Variants in RFC3 observed in about 807,000 individuals in gnomAD.
RFC3 encodes the protein replication factor C subunit 3, also known as A1 38 kDa subunit.
A neutral mutation model predicts 45.1 loss-of-function variants in RFC3; 41 were observed. That is an observed-to-expected ratio of 0.91 (90% CI 0.71 to 1.18). RFC3 has a LOEUF of 1.18. Among genes scored for constraint, RFC3 ranks in the 50% most tolerant of loss-of-function variants. The probability of loss-of-function intolerance (pLI) is 0.00; values close to 1 mark genes in which losing one functional copy is unlikely to be tolerated. For missense variants in RFC3, 423 were observed against 428.1 expected (o/e 0.99, Z 0.10); for synonymous variants, 149 against 144.0 (o/e 1.03, Z -0.25).
At chr13:33,929,420 A>C (rs1236174375) in intron 8 of RFC3, among the ~76,000 whole-genome samples, 1 of 152,160 alleles carries the variant, frequency 6.6e-6, no homozygotes, top group African/African-American at 2.4e-5. Context: ...ATAGAGATTT[A>C]ATTAACACTA....
downstream of RFC3, among the ~76,000 whole-genome samples, chr13:33,968,115 C>A (rs566763224): frequency 3.9e-5 from 6 of 152,272 alleles, no homozygotes; most frequent in South Asian, 2.1e-4. Flanking sequence ...AAAGCCAGCT[C>A]TAGTGCAATA....
rs995548019 is a variant in RFC3 at position 33,836,175 on chromosome 13, C to T, written c.951C>T (p.Tyr317=). The change falls in exon 9 of 9, where the codon TAC becomes TAT. Residue 317 remains tyrosine, a synonymous_variant. Transcript: ENST00000380071. ...LKGEVAQMAA[Y]YEHRLQLGSK... The stretch of plus-strand genomic sequence containing the variant: ...GGGAGGTGGCACAAATGGCAGCTTA[C>T]TATGAGCATCGTCTACAGCTGGGTA... The T allele has an allele frequency of 6.2e-7, 1 of 1,613,422 alleles. No homozygotes were observed. The highest frequency in any genetic ancestry group is 8.5e-7 in the Non-Finnish European group (1 of 1,179,492).
downstream of RFC3, among the ~76,000 whole-genome samples, chr13:33,838,351 T>G (rs1363670137): frequency 1.3e-5 from 2 of 152,084 alleles, no homozygotes; most frequent in African/African-American, 4.8e-5. Context: ...GAGTATTTCT[T>G]ATAGCGTACG....
intron 8 of RFC3, among the ~76,000 whole-genome samples, chr13:33,879,166 C>A (rs374126656): frequency 3.3e-5 from 5 of 151,558 alleles, no homozygotes; most frequent in African/African-American, 1.2e-4. Flanking sequence ...CACATTAAAC[C>A]AAAAAAATGA....
chr13:33,859,503 A>G (rs2137531331), intron 8 of RFC3, among the ~76,000 whole-genome samples: 1 of 152,330 alleles, frequency 6.6e-6, no homozygotes, highest in African/African-American at 2.4e-5. Context: ...TATAAAAGTG[A>G]CTATGTATAG....
At chr13:33,844,426 C>T (rs749009916) in intron 8 of RFC3, among the ~76,000 whole-genome samples, 17 of 151,964 alleles carry the variant, frequency 1.1e-4, no homozygotes, top group Non-Finnish European at 2.4e-4. Context: ...TTTCTACTAC[C>T]GTTTTATCAT....
intron 8 of RFC3, among the ~76,000 whole-genome samples, chr13:33,863,161 C>A (rs2082352108): frequency 6.6e-6 from 1 of 152,176 alleles, no homozygotes; most frequent in Non-Finnish European, 1.5e-5. Context: ...AACTGATAGA[C>A]AGTTTTTCAT....
chr13:33,959,003 G>T (rs2083039782), intron 8 of RFC3, among the ~76,000 whole-genome samples: 1 of 152,106 alleles, frequency 6.6e-6, no homozygotes, highest in Non-Finnish European at 1.5e-5. Flanking sequence ...AAAAAATTCT[G>T]CATTTAAATA....
At chr13:33,936,502 A>G (rs1336325768) in intron 8 of RFC3, among the ~76,000 whole-genome samples, 1 of 152,180 alleles carries the variant, frequency 6.6e-6, no homozygotes, top group Admixed American at 6.5e-5. Flanking sequence ...AGGTGAGGCT[A>G]TTAGGATAGG....
chr13:33,873,577 A>T (rs1308568978), intron 8 of RFC3, among the ~76,000 whole-genome samples: 1 of 152,130 alleles, frequency 6.6e-6, no homozygotes, highest in Non-Finnish European at 1.5e-5. Flanking sequence ...CAGAGAGAGG[A>T]TATGTTTAAC....
intron 8 of RFC3, among the ~76,000 whole-genome samples, chr13:33,868,693 T>G (rs1419723973): frequency 6.6e-6 from 1 of 152,240 alleles, no homozygotes; most frequent in African/African-American, 2.4e-5. Flanking sequence ...CTTGAGTGGC[T>G]TGCTGGAGCC....
chr13:33,948,107 C>A (rs558459414), intron 8 of RFC3, among the ~76,000 whole-genome samples: 1 of 152,220 alleles, frequency 6.6e-6, no homozygotes, highest in Non-Finnish European at 1.5e-5. Context: ...CAGCCCCTTC[C>A]ATCACAGACC....
At chr13:33,971,991 T>A in the RFC3 span, among the ~76,000 whole-genome samples, 2 of 152,114 alleles carry the variant, frequency 1.3e-5, no homozygotes, top group Admixed American at 6.5e-5. Context: ...GGCGTGCACC[T>A]GTAGTCCTAG....
chr13:33,928,839 G>GGC (rs1555242251), intron 8 of RFC3, among the ~76,000 whole-genome samples: 1,859 of 151,628 alleles, frequency 0.012, 27 homozygotes, highest in African/African-American at 0.043. Flanking sequence ...ATGTCTGGGG[G>GGC]GGGAAGTGAA....
chr13:33,861,941 A>G (rs2082343572), intron 8 of RFC3, among the ~76,000 whole-genome samples: 2 of 152,236 alleles, frequency 1.3e-5, no homozygotes, highest in Admixed American at 6.5e-5. Context: ...AAGCTCTAAG[A>G]AACATTAAAT....
At chr13:33,858,336 G>C (rs192480796) in intron 8 of RFC3, among the ~76,000 whole-genome samples, 1 of 152,266 alleles carries the variant, frequency 6.6e-6, no homozygotes, top group African/African-American at 2.4e-5. Flanking sequence ...ATTTGGTAGG[G>C]TTAGGTTTGG....
intron 8 of RFC3, among the ~76,000 whole-genome samples, chr13:33,885,170 A>G (rs931601523): frequency 2.0e-5 from 3 of 152,216 alleles, no homozygotes; most frequent in African/African-American, 7.2e-5. Context: ...ACTCTATGTT[A>G]TATTATCAAA....
chr13:33,899,679 A>G (rs147306358), intron 8 of RFC3, among the ~76,000 whole-genome samples: 9 of 152,048 alleles, frequency 5.9e-5, no homozygotes, highest in African/African-American at 1.9e-4. Context: ...AGTCCTGGCT[A>G]GATCAATTAG....
chr13:33,890,187 T>C (rs1159578637), intron 8 of RFC3, among the ~76,000 whole-genome samples: 1 of 152,166 alleles, frequency 6.6e-6, no homozygotes, highest in Non-Finnish European at 1.5e-5. Context: ...CAGCTTTGAC[T>C]TGAGGCCTGC....
Sources: allele counts gnomAD v4.1 joint callset (sites outside exome capture counted in the v4.1 genomes callset), GRCh38; gene constraint gnomAD v4.1.1; transcripts MANE v1.5; gene names NCBI Gene and HGNC (gene_info 2026-07-23, HGNC 2026-07-21).